The following CACNG3 variants were observed in gnomAD, a reference collection of about 807,000 sequenced individuals.
CACNG3 encodes voltage-dependent calcium channel gamma-3 subunit.
Under a neutral mutation model 28.5 loss-of-function variants are expected in CACNG3, and 3 were observed. That is an observed-to-expected ratio of 0.11 (90% confidence interval 0.05 to 0.27). The LOEUF (loss-of-function observed/expected upper bound fraction) is 0.27, where lower values mean the gene tolerates loss of function less well. Among genes scored for constraint, CACNG3 ranks in the 10% least tolerant of loss-of-function variants. The probability of loss-of-function intolerance (pLI) is 1.00; values close to 1 mark genes in which losing one functional copy is unlikely to be tolerated. For synonymous variants in CACNG3, 174 were observed against 162.2 expected (o/e 1.07, Z -0.55); for missense variants, 236 against 414.4 (o/e 0.57, Z 3.74).
At chr16:24,321,323 T>G (rs1899453863) in intron 1 of CACNG3, among the ~76,000 whole-genome samples, 1 of 152,180 alleles carries the variant, frequency 6.6e-6, no homozygotes, top group Admixed American at 6.5e-5. Context: ...GGCATGTGCC[T>G]GTAATCCCAG....
At chr16:24,327,561 A>G (rs1899573610) in intron 1 of CACNG3, among the ~76,000 whole-genome samples, 1 of 150,284 alleles carries the variant, frequency 6.7e-6, no homozygotes, top group Admixed American at 6.7e-5. Context: ...TAAAGGATGC[A>G]GTGAGCTATG....
rs189467367 is a variant in CACNG3 at position 24,323,143 on chromosome 16, G to A, written c.212-23591G>A. Among the ~76,000 whole-genome samples the A allele has an allele frequency of 2.0e-5, 3 of 147,876 alleles. No homozygotes were observed. In the East Asian group the frequency reaches 6.2e-4, roughly 31 times the overall value. ...TCAGGAAGCTGAGCTGGGAGGATCA[G>A]TTGAGCCTGGGAGGTTGAGGCTGCA... On this transcript the variant is annotated intron_variant, in intron 1 of 3. Coordinates refer to ENST00000005284, the MANE Select transcript of CACNG3 (RefSeq NM_006539.4).
intron 1 of CACNG3, among the ~76,000 whole-genome samples, chr16:24,323,263 T>A: frequency 6.8e-6 from 1 of 147,096 alleles, no homozygotes; most frequent in Non-Finnish European, 1.5e-5. Flanking sequence ...AAGAGAGAGA[T>A]GAGGCCTTCC....
At chr16:24,336,225 C>CA (rs907553320) in intron 1 of CACNG3, among the ~76,000 whole-genome samples, 12 of 149,502 alleles carry the variant, frequency 8.0e-5, no homozygotes, top group South Asian at 4.3e-4. Context: ...ACTCTGTCTC[C>CA]AAAAAAAAGA....
At chr16:24,322,911 C>T (rs902295061) in intron 1 of CACNG3, among the ~76,000 whole-genome samples, 2 of 152,122 alleles carry the variant, frequency 1.3e-5, no homozygotes, top group Non-Finnish European at 2.9e-5. Flanking sequence ...AATCCACTCA[C>T]ATATATTTTT....
intron 1 of CACNG3, among the ~76,000 whole-genome samples, chr16:24,335,768 A>G (rs1004876683): frequency 3.3e-5 from 5 of 152,142 alleles, no homozygotes; most frequent in East Asian, 1.9e-4. Flanking sequence ...CATGGATACT[A>G]TGATGATTTC....
At chr16:24,347,152 T>C (rs1160635282) in intron 2 of CACNG3, among the ~76,000 whole-genome samples, 1 of 152,144 alleles carries the variant, frequency 6.6e-6, no homozygotes, top group Non-Finnish European at 1.5e-5. Flanking sequence ...AACCCATCTC[T>C]ACAAAAAATT....
chr16:24,330,552 C>T (rs903434081), intron 1 of CACNG3, among the ~76,000 whole-genome samples: 15 of 152,208 alleles, frequency 9.9e-5, no homozygotes, highest in African/African-American at 3.6e-4. Flanking sequence ...GAAACCTGTT[C>T]AAAAACACAG....
chr16:24,293,826 G>A (rs919992159), intron 1 of CACNG3, among the ~76,000 whole-genome samples: 1 of 152,012 alleles, frequency 6.6e-6, no homozygotes, highest in African/African-American at 2.4e-5. Context: ...AAGAGCCAAG[G>A]GACACCTAGC....
chr16:24,308,822 G>A (rs1418008753), intron 1 of CACNG3, among the ~76,000 whole-genome samples: 12 of 121,776 alleles, frequency 9.9e-5, no homozygotes, highest in Non-Finnish European at 1.9e-4. Flanking sequence ...CCTGGCTGAT[G>A]GAGTGAGAAC....
At chr16:24,300,136 T>C (rs1346406165) in intron 1 of CACNG3, among the ~76,000 whole-genome samples, 3 of 152,134 alleles carry the variant, frequency 2.0e-5, no homozygotes, top group Non-Finnish European at 4.4e-5. Context: ...GTTATTTCTA[T>C]GTTTGTTTTT....
chr16:24,322,928 A>G (rs1899484668), intron 1 of CACNG3, among the ~76,000 whole-genome samples: 1 of 152,138 alleles, frequency 6.6e-6, no homozygotes, highest in South Asian at 2.1e-4. Flanking sequence ...TTTTCGCCTT[A>G]CAAAAATGAG....
At chr16:24,262,610 C>T (rs1898550587) in intron 1 of CACNG3, among the ~76,000 whole-genome samples, 1 of 152,210 alleles carries the variant, frequency 6.6e-6, no homozygotes, top group Non-Finnish European at 1.5e-5. Flanking sequence ...GTCATCGTGA[C>T]CTTGCTCTGG....
At chr16:24,329,045 C>T (rs1020888895) in intron 1 of CACNG3, among the ~76,000 whole-genome samples, 1 of 152,114 alleles carries the variant, frequency 6.6e-6, no homozygotes, top group East Asian at 1.9e-4. Context: ...GAGGAGACAC[C>T]GCCCTGTTTC....
intron 1 of CACNG3, among the ~76,000 whole-genome samples, chr16:24,281,294 C>G (rs1898824088): frequency 1.3e-5 from 2 of 152,138 alleles, no homozygotes; most frequent in African/African-American, 4.8e-5. Flanking sequence ...CTCCTGAGCT[C>G]AAGTGATCCT....
At chr16:24,267,655 G>A (rs1320393208) in intron 1 of CACNG3, among the ~76,000 whole-genome samples, 3 of 151,708 alleles carry the variant, frequency 2.0e-5, no homozygotes, top group African/African-American at 7.3e-5. Context: ...GATTATTGTG[G>A]TAGATTGTGC....
In CACNG3 at chr16:24,358,161, C is replaced by T. The variant is rs1012720264; in HGVS notation, c.436+3188C>T. ...GCAAGCAATTAACAACCCTTTAAAT[C>T]GGTAAATAAGAGTGCTGGGGGGAAA... On this transcript the variant is annotated intron_variant, in intron 3 of 3. Coordinates refer to ENST00000005284, the MANE Select transcript of CACNG3 (RefSeq NM_006539.4). 1.6e-4 allele frequency among the ~76,000 whole-genome samples: 24 copies of T among 152,262 alleles called. No individual in the cohort carries two copies. The East Asian group carries it at 3.5e-3, about 22-fold the overall frequency.
chr16:24,289,871 A>G (rs551335887), intron 1 of CACNG3, among the ~76,000 whole-genome samples: 6 of 152,360 alleles, frequency 3.9e-5, no homozygotes, highest in Admixed American at 6.5e-5. Context: ...AAAAGGCCCT[A>G]GAACAGTGCT....
At chr16:24,318,364 G>A (rs1899414575) in intron 1 of CACNG3, among the ~76,000 whole-genome samples, 1 of 152,044 alleles carries the variant, frequency 6.6e-6, no homozygotes, top group South Asian at 2.1e-4. Flanking sequence ...GCTAATTTTT[G>A]TATTTTTAGT....
Sources: gnomAD v4.1 joint callset for allele counts (sites outside exome capture counted in the v4.1 genomes callset) on GRCh38, gnomAD v4.1.1 for gene constraint, MANE v1.5 for transcripts, NCBI Gene and HGNC (gene_info 2026-07-23, HGNC 2026-07-21) for gene names.